LGSN: variants seen among roughly 807,000 people sequenced by gnomAD.
The protein encoded by LGSN is lengsin.
A neutral mutation model predicts 19.5 loss-of-function variants in LGSN; 21 were observed. The ratio of observed to expected loss-of-function variants is 1.07; its 90% confidence interval spans 0.76 to 1.55. The LOEUF is 1.55. Ranked by LOEUF, LGSN falls within the 40% of genes most tolerant of loss-of-function variation. The probability of loss-of-function intolerance (pLI) is 0.00; values close to 1 mark genes in which losing one functional copy is unlikely to be tolerated. For synonymous variants in LGSN, 257 were observed against 215.6 expected (o/e 1.19, Z -1.68); for missense variants, 673 against 608.5 (o/e 1.11, Z -1.12).
chr6:63,437,983 T>C, the LGSN span, among the ~76,000 whole-genome samples: 5 of 152,190 alleles, frequency 3.3e-5, no homozygotes, highest in Admixed American at 3.3e-4. Flanking sequence ...ATTTAGTCTC[T>C]CTCCGTACTC....
At chr6:63,484,539 A>T in the LGSN span, among the ~76,000 whole-genome samples, 1 of 152,108 alleles carries the variant, frequency 6.6e-6, no homozygotes, top group Non-Finnish European at 1.5e-5. Context: ...AAAAGAAAAA[A>T]AATCCCAGAA....
chr6:63,323,858 G>A (rs201512666), upstream of LGSN, among the ~76,000 whole-genome samples: 67 of 147,408 alleles, frequency 4.5e-4, no homozygotes, highest in East Asian at 0.011. Flanking sequence ...TGCAACCTCC[G>A]CCTCCCGGGT....
chr6:63,457,744 T>A, the LGSN span, among the ~76,000 whole-genome samples: 1 of 151,734 alleles, frequency 6.6e-6, no homozygotes, highest in Non-Finnish European at 1.5e-5. Context: ...CCAGACATGG[T>A]AGTGGGTGCC....
intron 1 of LGSN, among the ~76,000 whole-genome samples, chr6:63,315,873 TAA>T (rs74271498): frequency 7.3e-6 from 1 of 137,610 alleles, no homozygotes; most frequent in Non-Finnish European, 1.6e-5. Context: ...ATCCAGGTCT[TAA>T]AAAAAAAAAA....
At chr6:63,291,795 C>G (rs1223063362) in intron 2 of LGSN, among the ~76,000 whole-genome samples, 1 of 152,152 alleles carries the variant, frequency 6.6e-6, no homozygotes, top group African/African-American at 2.4e-5. Context: ...AAAATTTCTT[C>G]CATACCTAAT....
chr6:63,544,037 G>GC, the LGSN span, among the ~76,000 whole-genome samples: 6 of 151,960 alleles, frequency 3.9e-5, no homozygotes, highest in East Asian at 9.7e-4. Flanking sequence ...GTAATTCTCC[G>GC]CCCCCAACCC....
chr6:63,322,695 C>A (rs1173269821), upstream of LGSN, among the ~76,000 whole-genome samples: 1 of 152,144 alleles, frequency 6.6e-6, no homozygotes, highest in Admixed American at 6.5e-5. Flanking sequence ...TTTCATGAAT[C>A]CAGTCCCCAT....
At chr6:63,458,255 C>T in the LGSN span, among the ~76,000 whole-genome samples, 1 of 151,886 alleles carries the variant, frequency 6.6e-6, no homozygotes, top group African/African-American at 2.4e-5. Context: ...TTAGTATAGA[C>T]GGGGTCTCTC....
the LGSN span, among the ~76,000 whole-genome samples, chr6:63,505,349 G>A: frequency 6.6e-6 from 1 of 151,414 alleles, no homozygotes; most frequent in African/African-American, 2.4e-5. Flanking sequence ...GGCTGAGGTG[G>A]GTGGATCACC....
chr6:63,484,874 G>C, the LGSN span, among the ~76,000 whole-genome samples: 1 of 152,296 alleles, frequency 6.6e-6, no homozygotes, highest in South Asian at 2.1e-4. Flanking sequence ...CAGTATGTTA[G>C]AACCAAAGTG....
chr6:63,401,545 A>G, the LGSN span, among the ~76,000 whole-genome samples: 2 of 152,248 alleles, frequency 1.3e-5, no homozygotes, highest in African/African-American at 2.4e-5. Flanking sequence ...TTTTGAGGTT[A>G]TGTAAAAGCA....
At chr6:63,403,946 TTCTCTC>T in the LGSN span, among the ~76,000 whole-genome samples, 16,246 of 148,180 alleles carry the variant, frequency 0.11, 1,795 homozygotes, top group African/African-American at 0.29. Flanking sequence ...GCCTCTCTCT[TTCTCTC>T]TCTCTCTCTC....
the LGSN span, among the ~76,000 whole-genome samples, chr6:63,472,450 A>G: frequency 6.6e-6 from 1 of 152,188 alleles, no homozygotes; most frequent in Non-Finnish European, 1.5e-5. Flanking sequence ...GCCTAGGAAA[A>G]GCACTCAAAA....
At chr6:63,407,079 C>T in the LGSN span, among the ~76,000 whole-genome samples, 1 of 151,958 alleles carries the variant, frequency 6.6e-6, no homozygotes, top group Non-Finnish European at 1.5e-5. Context: ...GATGGATTCA[C>T]AGCCAAATTC....
At chr6:63,390,307 G>A in the LGSN span, among the ~76,000 whole-genome samples, 4 of 150,364 alleles carry the variant, frequency 2.7e-5, no homozygotes, top group African/African-American at 7.3e-5. Flanking sequence ...TTTTTGTATC[G>A]TTAGTAGAGA....
the LGSN span, among the ~76,000 whole-genome samples, chr6:63,552,975 T>A: frequency 6.6e-6 from 1 of 152,164 alleles, no homozygotes; most frequent in East Asian, 1.9e-4. Flanking sequence ...TGTTTTATGA[T>A]CATAACCTTT....
At chr6:63,397,001 G>C in the LGSN span, 1 of 152,436 alleles carries the variant, frequency 6.6e-6, no homozygotes, top group Admixed American at 6.5e-5. Flanking sequence ...CCAAGGAAGA[G>C]AATGCCTGAG....
the LGSN span, among the ~76,000 whole-genome samples, chr6:63,474,789 G>A: frequency 6.6e-6 from 1 of 151,552 alleles, no homozygotes; most frequent in African/African-American, 2.4e-5. Flanking sequence ...TGGGCGTGGT[G>A]GCAGATGCCT....
chr6:63,472,506 C>T, the LGSN span, among the ~76,000 whole-genome samples: 1 of 152,152 alleles, frequency 6.6e-6, no homozygotes, highest in Non-Finnish European at 1.5e-5. Flanking sequence ...ATGAGCTCCC[C>T]AGAGAGAGTC....
Sources: allele counts gnomAD v4.1 joint callset (sites outside exome capture counted in the v4.1 genomes callset), GRCh38; gene constraint gnomAD v4.1.1; transcripts MANE v1.5; gene names NCBI Gene and HGNC (gene_info 2026-07-23, HGNC 2026-07-21).